KNG1: variants seen among roughly 807,000 people sequenced by gnomAD.
KNG1 encodes kininogen 1.
A neutral mutation model predicts 47.8 loss-of-function variants in KNG1; 23 were observed. That is an observed-to-expected ratio of 0.48 (90% confidence interval 0.35 to 0.68). KNG1 has a LOEUF of 0.68. Among genes scored for constraint, KNG1 ranks in the 30% least tolerant of loss-of-function variants. The pLI, the probability that KNG1 is intolerant of heterozygous loss-of-function variation, is 0.01. For synonymous variants in KNG1, 277 were observed against 277.0 expected, an observed-to-expected ratio of 1.00 and a Z score of 0.00; for missense variants, 762 against 790.2, an observed-to-expected ratio of 0.96 and a Z score of 0.43.
At chr3:186,720,480 C>A in intron 2 of KNG1, 31 of 386,200 alleles carry the variant, frequency 8.0e-5, no homozygotes, top group South Asian at 2.1e-4. Flanking sequence ...GCTCAGACTC[C>A]AGAGAGATAA....
intron 2 of KNG1, chr3:186,720,482 G>T: frequency 2.4e-6 from 1 of 410,882 alleles, no homozygotes. Context: ...TCAGACTCCA[G>T]AGAGATAACA....
At chr3:186,731,004 A>G (rs1398333297) in intron 5 of KNG1, among the ~76,000 whole-genome samples, 1 of 151,680 alleles carries the variant, frequency 6.6e-6, no homozygotes, top group East Asian at 1.9e-4. Context: ...TACTTTAGGT[A>G]TTTTGATTCC....
At chr3:186,739,070 C>G (rs766671366) in intron 7 of KNG1, 29 bp from the exon 8 acceptor site, 2 of 1,482,502 alleles carry the variant, frequency 1.3e-6, no homozygotes, top group Non-Finnish European at 1.9e-6. Flanking sequence ...TATTTTTAAG[C>G]GTTTACTTTG....
intron 3 of KNG1, among the ~76,000 whole-genome samples, chr3:186,724,082 C>G (rs1319275839): frequency 6.6e-6 from 1 of 152,194 alleles, no homozygotes; most frequent in African/African-American, 2.4e-5. Flanking sequence ...ATTTACTTTC[C>G]TCTGGGTAGA....
Position 186,725,262 on chromosome 3 carries a change from T to C in KNG1, c.564+2T>C. On this transcript the variant is annotated splice_donor_variant, in intron 4 of 9. Transcript: ENST00000644859. LOFTEE classifies it high-confidence loss of function. Reference sequence around the variant, plus strand: ...GAAGTAAAACGGGCCCAAAGACAGGTTTGTTCTTTAATTCTCTAAGTAGCA... The same window carrying C: ...GAAGTAAAACGGGCCCAAAGACAGGCTTGTTCTTTAATTCTCTAAGTAGCA... 1 of 1,613,500 alleles carries C rather than the reference T, an allele frequency of 6.2e-7. No individual in the cohort carries two copies. The highest frequency in any genetic ancestry group is 1.7e-5 in the Admixed American group (1 of 60,004).
intron 2 of KNG1, chr3:186,720,486 G>C: frequency 2.8e-6 from 1 of 351,736 alleles, no homozygotes; most frequent in Non-Finnish European, 5.4e-6. Flanking sequence ...ACTCCAGAGA[G>C]ATAACAAATT....
intron 4 of KNG1, among the ~76,000 whole-genome samples, chr3:186,725,918 GA>G (rs59230183): frequency 0.2 from 29,135 of 144,148 alleles, 3,072 homozygotes; most frequent in South Asian, 0.32. Context: ...CATATCATCA[GA>G]AAAAAAAAAG....
chr3:186,741,082 G>A (rs981731082), intron 9 of KNG1, among the ~76,000 whole-genome samples: 3 of 151,496 alleles, frequency 2.0e-5, no homozygotes, highest in Non-Finnish European at 2.9e-5. Flanking sequence ...CAACCTCCAC[G>A]TCCTGGGTTC....
At position 186,742,148 on chromosome 3, in the gene KNG1, T is replaced by C. The variant is rs752175838; in HGVS notation, c.1752T>C (p.Asp584=). The C allele has an allele frequency of 1.2e-6, 2 of 1,614,208 alleles. No individual in the cohort carries two copies. The highest frequency in any genetic ancestry group is 2.2e-5 in the South Asian group (2 of 91,082). The stretch of plus-strand genomic sequence containing the variant: ...TATCACCAGCTCCCATACAGAGTGA[T>C]GACGATTGGATCCCTGATATCCAGA... ...PPISPAPIQS[D]DDWIPDIQID... The change falls in exon 10 of 10, where the codon GAT becomes GAC. Residue 584 remains aspartate (D), a synonymous_variant. Transcript: ENST00000644859.
intron 4 of KNG1, 138 bp from the exon 5 acceptor site, chr3:186,727,099 C>T: frequency 3.0e-6 from 2 of 663,474 alleles, no homozygotes; most frequent in Non-Finnish European, 5.3e-6. Context: ...ATTTTTTTGC[C>T]TAGTAATAAT....
In KNG1 at chr3:186,717,387, C is replaced by T. The variant is rs1720010296; in HGVS notation, c.-156C>T. On this transcript the variant is annotated 5_prime_UTR_variant, in exon 1 of 10. Transcript: ENST00000644859. ...TAACCTTTGGGAACAAGGCAACTAG[C>T]GTCTGGCAGCAGGAATCCAACCAGT... The T allele has an allele frequency of 1.2e-5, 8 of 659,914 alleles. No individual in the cohort carries two copies. Among genetic ancestry groups the T allele is most frequent in the East Asian group, 5.4e-5 (2 of 36,956 alleles). 40.9% of individuals were successfully genotyped at this position (659,914 alleles called of 1,614,324 possible).
chr3:186,731,030 T>C (rs1331065947), intron 5 of KNG1, among the ~76,000 whole-genome samples: 1 of 152,160 alleles, frequency 6.6e-6, no homozygotes, highest in Non-Finnish European at 1.5e-5. Flanking sequence ...TTCTGGTCTA[T>C]GCTTTTGAAA....
At chr3:186,732,976 G>A (rs910238071) in intron 7 of KNG1, among the ~76,000 whole-genome samples, 15 of 152,112 alleles carry the variant, frequency 9.9e-5, no homozygotes, top group East Asian at 3.9e-4. Flanking sequence ...AGCTGGGCGC[G>A]GTGGCTCACA....
rs1720860939 is a variant in KNG1, at chr3:186,743,297, G to A, written c.*966G>A. ...TATTATGGAATGTGATGCAAAGTTT[G>A]TTCCGAAATTTTATGAGGAAATTAC... On this transcript the variant is annotated 3_prime_UTR_variant, in exon 10 of 10. Coordinates refer to ENST00000644859, the MANE Select transcript of KNG1 (RefSeq NM_001102416.3). The A allele has an allele frequency of 1.0e-5, 2 of 193,802 alleles. No individual in the cohort carries two copies. The highest frequency in any genetic ancestry group is 2.1e-5 in the Non-Finnish European group (2 of 93,030). 12.0% of individuals were successfully genotyped at this position (193,802 alleles called of 1,614,324 possible).
At position 186,717,883 on chromosome 3, in the gene KNG1, AACCACCACCACCACCC is replaced by A. The variant is rs1720039228; in HGVS notation, c.195+162_195+177del. On this transcript the variant is annotated intron_variant, in intron 1 of 9. Transcript: ENST00000644859. The stretch of plus-strand genomic sequence containing the variant: ...CACCATCACCCACCACCACCACCAC[AACCACCACCACCACCC>A]ACCACCACCACCACCATCCACCACC... 5 of 201,442 alleles carry A rather than the reference AACCACCACCACCACCC, an allele frequency of 2.5e-5. No homozygotes were observed. The East Asian group carries it at 4.2e-4, about 17-fold the overall frequency. The allele number at this position is 201,442 out of a possible 1,614,324, so 12.5% of individuals were successfully genotyped here.
intron 7 of KNG1, chr3:186,736,207 A>G (rs2108633545): frequency 6.6e-6 from 1 of 152,344 alleles, no homozygotes; most frequent in East Asian, 1.9e-4. Context: ...CTTACTTTAG[A>G]GAGATAAATC....
rs1720009949 is a variant in KNG1 at position 186,717,375 on chromosome 3, C to A, written c.-168C>A. 3.1e-6 allele frequency: 2 copies of A among 637,616 alleles called. No individual in the cohort carries two copies. The highest frequency in any genetic ancestry group is 3.6e-5 in the African/African-American group (2 of 54,998). 39.5% of individuals were successfully genotyped at this position (637,616 alleles called of 1,614,324 possible). On this transcript the variant is annotated 5_prime_UTR_variant, in exon 1 of 10. Coordinates refer to ENST00000644859, the MANE Select transcript of KNG1 (RefSeq NM_001102416.3). ...AGCAGAGCCATTTAACCTTTGGGAACAAGGCAACTAGCGTCTGGCAGCAGG... is the reference window on the plus strand; with the variant it reads ...AGCAGAGCCATTTAACCTTTGGGAAAAAGGCAACTAGCGTCTGGCAGCAGG...
chr3:186,720,302 G>A, intron 2 of KNG1, 87 bp downstream of exon 2: 4 of 816,864 alleles, frequency 4.9e-6, no homozygotes, highest in Non-Finnish European at 8.5e-6. Context: ...ATGGCTACTG[G>A]TGAGCCTGTT....
rs1229480072 is a variant in KNG1, at chr3:186,743,085, T to A, written c.*754T>A. ...GTGTTTCTCATAAGTCAAAAATTTC[T>A]GTTTACTCATTAACTACTCTTTGCA... On this transcript the variant is annotated 3_prime_UTR_variant, in exon 10 of 10. Coordinates refer to ENST00000644859, the MANE Select transcript of KNG1 (RefSeq NM_001102416.3). 2.9e-6 allele frequency: 1 copy of A among 348,366 alleles called. No homozygotes were observed. The highest frequency in any genetic ancestry group is 4.0e-6 in the Non-Finnish European group (1 of 247,738). The allele number at this position is 348,366 out of a possible 1,614,324, so 21.6% of individuals were successfully genotyped here.
Sources: gnomAD v4.1 joint callset for allele counts (sites outside exome capture counted in the v4.1 genomes callset) on GRCh38, gnomAD v4.1.1 for gene constraint, MANE v1.5 for transcripts, NCBI Gene and HGNC (gene_info 2026-07-23, HGNC 2026-07-21) for gene names.